Variants in LIPI observed in about 807,000 individuals in gnomAD.
The protein encoded by LIPI is lipase I, also known as lipase member I.
LIPI carries 59 observed loss-of-function variants against 50.6 expected under a neutral mutation model. That is an observed-to-expected ratio of 1.16 (90% CI 0.94 to 1.45). LIPI has a LOEUF of 1.45. LIPI is among the 40% of genes most tolerant of loss of function. The probability of loss-of-function intolerance (pLI) is 0.00; values close to 1 mark genes in which losing one functional copy is unlikely to be tolerated. For missense variants in LIPI, 586 were observed against 536.3 expected, an observed-to-expected ratio of 1.09 and a Z score of -0.92; for synonymous variants, 203 against 178.2, an observed-to-expected ratio of 1.14 and a Z score of -1.11.
intron 1 of LIPI, among the ~76,000 whole-genome samples, chr21:14,193,138 G>C (rs2019732281): frequency 6.6e-6 from 1 of 151,930 alleles, no homozygotes; most frequent in Non-Finnish European, 1.5e-5. Flanking sequence ...AGAGAATTTT[G>C]TTATGGTATT....
chr21:14,126,372 T>C (rs939098362), intron 9 of LIPI, among the ~76,000 whole-genome samples: 1 of 152,170 alleles, frequency 6.6e-6, no homozygotes, highest in South Asian at 2.1e-4. Context: ...CATAATAACA[T>C]GCCATTGACA....
Position 14,169,302 on chromosome 21 carries a change from A to C in LIPI, c.644-2851T>G, listed in dbSNP as rs554918699. Among the ~76,000 whole-genome samples the C allele has an allele frequency of 5.8e-4, 89 of 152,264 alleles. 1 individual carries two copies. Among genetic ancestry groups the C allele is most frequent in the African/African-American group, 1.5e-3 (64 of 41,560 alleles). On this transcript the variant is annotated intron_variant, in intron 4 of 9. Coordinates refer to ENST00000681601, the MANE Select transcript of LIPI (RefSeq NM_001302998.2). Reference sequence around the variant, plus strand: ...CCTCACTGTCAACATTAGACAGATCAACGAGACAGAAAGTTAACAAGGATA... The same window carrying C: ...CCTCACTGTCAACATTAGACAGATCCACGAGACAGAAAGTTAACAAGGATA...
rs769918705 is a variant in LIPI, at chr21:14,166,371, T to C, written c.724A>G (p.Ile242Val). 1.0e-5 allele frequency: 16 copies of C among 1,574,252 alleles called. No individual in the cohort carries two copies. The highest frequency in any genetic ancestry group is 1.4e-5 in the Non-Finnish European group (16 of 1,143,790). ...GNKQPGCPKSIFSGIQFIKCN... is the reference protein window; with the variant it reads ...GNKQPGCPKSVFSGIQFIKCN... ...AATACTGTCAGTATACCTGAGAAAATTGATTTAGGACAGCCAGGTTGTTTA... is the reference window on the plus strand; with the variant it reads ...AATACTGTCAGTATACCTGAGAAAACTGATTTAGGACAGCCAGGTTGTTTA... Residue 242 changes from isoleucine to valine, a missense_variant, in exon 5 of 10, where the codon ATT becomes GTT. Physicochemically the swap from Ile to Val is conservative, Grantham distance 29 (BLOSUM62 3). Coordinates refer to ENST00000681601, the MANE Select transcript of LIPI (RefSeq NM_001302998.2).
chr21:14,183,834 T>G (rs540519107), intron 3 of LIPI, among the ~76,000 whole-genome samples: 1 of 152,290 alleles, frequency 6.6e-6, no homozygotes, highest in African/African-American at 2.4e-5. Flanking sequence ...CAATAGGTGC[T>G]GGAGAGGATG....
intron 3 of LIPI, among the ~76,000 whole-genome samples, chr21:14,184,169 C>T (rs1429125441): frequency 6.6e-6 from 1 of 152,180 alleles, no homozygotes. Context: ...AGTTCATGTC[C>T]TTTGTAGGGA....
intron 3 of LIPI, among the ~76,000 whole-genome samples, chr21:14,182,712 G>C (rs1020895826): frequency 6.7e-6 from 1 of 150,068 alleles, no homozygotes; most frequent in Admixed American, 6.7e-5. Context: ...TGAAATAAAA[G>C]AGGATACAAA....
At chr21:14,188,730 T>A (rs2031805042) in intron 2 of LIPI, among the ~76,000 whole-genome samples, 1 of 152,054 alleles carries the variant, frequency 6.6e-6, no homozygotes, top group Non-Finnish European at 1.5e-5. Flanking sequence ...TATTCTGAGG[T>A]TGGTATAGGT....
At chr21:14,173,426 C>T (rs1487112029) in intron 4 of LIPI, among the ~76,000 whole-genome samples, 1 of 152,116 alleles carries the variant, frequency 6.6e-6, no homozygotes, top group African/African-American at 2.4e-5. Context: ...ATCATTGGAC[C>T]ACTGGTGAAT....
At chr21:14,113,995 G>A (rs371276155) in intron 9 of LIPI, among the ~76,000 whole-genome samples, 1 of 152,076 alleles carries the variant, frequency 6.6e-6, no homozygotes, top group African/African-American at 2.4e-5. Flanking sequence ...AGACCATCCT[G>A]GCTAACATGG....
At chr21:14,209,838 G>T (rs1391443822) in intron 1 of LIPI, among the ~76,000 whole-genome samples, 2 of 151,924 alleles carry the variant, frequency 1.3e-5, no homozygotes, top group African/African-American at 2.4e-5. Context: ...GCTTTCAACT[G>T]AAGGTGCCAC....
chr21:14,182,435 T>TGCTA (rs2123247322), intron 3 of LIPI, among the ~76,000 whole-genome samples: 1 of 152,282 alleles, frequency 6.6e-6, no homozygotes, highest in Admixed American at 6.5e-5. Context: ...TAAATAAAAA[T>TGCTA]GCTAGGCTCA....
At chr21:14,188,523 G>A (rs1375211381) in intron 2 of LIPI, among the ~76,000 whole-genome samples, 2 of 135,792 alleles carry the variant, frequency 1.5e-5, no homozygotes, top group East Asian at 2.1e-4. Flanking sequence ...AGCCAAGATC[G>A]TGCCACTGTA....
At chr21:14,180,074 C>T (rs1045184982) in intron 4 of LIPI, among the ~76,000 whole-genome samples, 3 of 152,062 alleles carry the variant, frequency 2.0e-5, no homozygotes, top group African/African-American at 4.8e-5. Context: ...TAAATGGCCG[C>T]TCTGGGAATG....
In LIPI at chr21:14,152,619, T is replaced by G. The variant is rs749841191; in HGVS notation, c.1072A>C (p.Lys358Gln). 9 of 1,591,298 alleles carry G rather than the reference T, an allele frequency of 5.7e-6. No individual in the cohort carries two copies. The African/African-American group carries it at 1.1e-4, about 19-fold the overall frequency. Residue 358 changes from lysine (K) to glutamine (Q), a missense_variant, in exon 8 of 10, where the codon AAA becomes CAA. By Grantham distance (53) the Lys-to-Gln change is moderately conservative. Coordinates refer to ENST00000681601, the MANE Select transcript of LIPI (RefSeq NM_001302998.2). Reference protein sequence around the residue: ...KTMMDGSFSFKLLNQLGMIEE... With the variant: ...KTMMDGSFSFQLLNQLGMIEE... ...ATCATTCCAAGCTGATTTAATAATT[T>G]AAATGAAAACGAGCCATCCATCATA...
chr21:14,126,478 A>G (rs1453417697), intron 9 of LIPI, among the ~76,000 whole-genome samples: 1 of 152,208 alleles, frequency 6.6e-6, no homozygotes, highest in African/African-American at 2.4e-5. Context: ...CTCTGTATCT[A>G]TGGATTCTAC....
At chr21:14,188,982 C>T in intron 2 of LIPI, 52 bp downstream of exon 2, 8 of 1,365,546 alleles carry the variant, frequency 5.9e-6, no homozygotes, top group East Asian at 2.3e-5. Flanking sequence ...TATTGTATAG[C>T]ACGTATAATA....
intron 9 of LIPI, among the ~76,000 whole-genome samples, chr21:14,135,792 G>C (rs2017476114): frequency 6.6e-6 from 1 of 151,932 alleles, no homozygotes; most frequent in Non-Finnish European, 1.5e-5. Flanking sequence ...GCAATAGATT[G>C]AGGGGCCATG....
At chr21:14,187,360 G>A (rs113244650) in intron 2 of LIPI, among the ~76,000 whole-genome samples, 6 of 152,188 alleles carry the variant, frequency 3.9e-5, no homozygotes, top group African/African-American at 1.4e-4. Context: ...TGCCACTAAT[G>A]AAAAACTACC....
intron 9 of LIPI, among the ~76,000 whole-genome samples, chr21:14,113,131 C>T (rs1377259736): frequency 6.6e-6 from 1 of 152,180 alleles, no homozygotes; most frequent in Admixed American, 6.5e-5. Flanking sequence ...AATTTAAGAG[C>T]ATTTGTAGGA....
Sources: gnomAD v4.1 joint callset for allele counts (sites outside exome capture counted in the v4.1 genomes callset) on GRCh38, gnomAD v4.1.1 for gene constraint, MANE v1.5 for transcripts, NCBI Gene and HGNC (gene_info 2026-07-23, HGNC 2026-07-21) for gene names.